Variants in RIC8B observed in about 807,000 individuals in gnomAD.
RIC8B encodes chaperone Ric-8B.
RIC8B carries 16 observed loss-of-function variants against 57.5 expected under a neutral mutation model. The observed-to-expected ratio is 0.28, with a 90% CI of 0.19 to 0.42. RIC8B has a LOEUF of 0.42. Ranked by LOEUF, RIC8B falls within the 10% of genes least tolerant of loss-of-function variation. RIC8B has a pLI of 1.00. For synonymous variants in RIC8B, 216 were observed against 250.8 expected, an observed-to-expected ratio of 0.86 and a Z score of 1.31; for missense variants, 481 against 677.0, an observed-to-expected ratio of 0.71 and a Z score of 3.21.
intron 2 of RIC8B, among the ~76,000 whole-genome samples, chr12:106,800,429 G>A (rs751412480): frequency 4.1e-4 from 63 of 152,092 alleles, no homozygotes; most frequent in Admixed American, 3.3e-3. Flanking sequence ...CAGTACCAAG[G>A]GGAAAATCCA....
At chr12:106,865,922 A>C (rs1950119267) in intron 8 of RIC8B, among the ~76,000 whole-genome samples, 2 of 152,124 alleles carry the variant, frequency 1.3e-5, no homozygotes, top group Admixed American at 1.3e-4. Context: ...TTCTGCCTGG[A>C]ATGCCTGTCC....
chr12:106,832,628 A>G (rs1402022640), intron 4 of RIC8B, among the ~76,000 whole-genome samples: 1 of 152,116 alleles, frequency 6.6e-6, no homozygotes. Context: ...CTCTGCCATT[A>G]TATACCCAAC....
At chr12:106,842,291 G>A (rs1266101653) in intron 4 of RIC8B, among the ~76,000 whole-genome samples, 1 of 152,166 alleles carries the variant, frequency 6.6e-6, no homozygotes, top group African/African-American at 2.4e-5. Flanking sequence ...ATAAAATTAA[G>A]GAGCTGGCAT....
chr12:106,849,842 A>G (rs1221379353), intron 6 of RIC8B, among the ~76,000 whole-genome samples: 1 of 152,228 alleles, frequency 6.6e-6, no homozygotes, highest in Non-Finnish European at 1.5e-5. Flanking sequence ...CCTTATTTAA[A>G]TCTATTAGTT....
intron 6 of RIC8B, among the ~76,000 whole-genome samples, chr12:106,847,897 G>C (rs1221735551): frequency 1.3e-5 from 2 of 152,140 alleles, no homozygotes; most frequent in Non-Finnish European, 2.9e-5. Flanking sequence ...CCTGTAATAT[G>C]CTAGACACTG....
intron 2 of RIC8B, among the ~76,000 whole-genome samples, chr12:106,813,739 G>A (rs2045445766): frequency 1.3e-5 from 2 of 152,078 alleles, no homozygotes; most frequent in Non-Finnish European, 2.9e-5. Context: ...TCTTATATTG[G>A]TAATAGTAGT....
intron 9 of RIC8B, among the ~76,000 whole-genome samples, chr12:106,871,979 A>C (rs1229324312): frequency 1.3e-5 from 2 of 152,222 alleles, no homozygotes; most frequent in East Asian, 3.8e-4. Flanking sequence ...CACGCTGCAG[A>C]GTATGATGCT....
chr12:106,878,952 A>C, intron 9 of RIC8B: 1 of 985,694 alleles, frequency 1.0e-6, no homozygotes, highest in Non-Finnish European at 1.2e-6. Context: ...TCAAAAGAGC[A>C]GACTGGTGTT....
chr12:106,827,192 A>G (rs1231242101), intron 4 of RIC8B, among the ~76,000 whole-genome samples: 1 of 152,242 alleles, frequency 6.6e-6, no homozygotes, highest in African/African-American at 2.4e-5. Flanking sequence ...GCATTTTTCC[A>G]GTTCTCTTTC....
chr12:106,853,453 CTTTTTTTTTTTTTTTTT>C (rs758876525), intron 7 of RIC8B, among the ~76,000 whole-genome samples: 5 of 38,022 alleles, frequency 1.3e-4, no homozygotes, highest in African/African-American at 1.3e-4. Flanking sequence ...GCTTTATAGT[CTTTTTTTTTTTTTTTTT>C]TTTTTTTTTT....
rs1248204870 is a variant in RIC8B, at chr12:106,888,337, GAACT to G, written c.*2325_*2328del. ...TGTCTTCATCTGGCACACAGAAAGA[GAACT>G]AATATCTGTTAAGTGCTTACTACAT... On this transcript the variant is annotated 3_prime_UTR_variant, in exon 10 of 10. Coordinates refer to ENST00000392837, the MANE Select transcript of RIC8B (RefSeq NM_001330145.2). 1.3e-5 allele frequency: 2 copies of G among 152,248 alleles called. No homozygotes were observed. Among genetic ancestry groups the G allele is most frequent in the African/African-American group, 4.8e-5 (2 of 41,452 alleles). The allele number at this position is 152,248 out of a possible 1,614,324, so 9.4% of individuals were successfully genotyped here. A position where few individuals can be genotyped will look rare whatever the true frequency, so the allele number is the denominator to read the frequency against.
At chr12:106,803,145 G>A (rs547522036) in intron 2 of RIC8B, among the ~76,000 whole-genome samples, 31 of 138,698 alleles carry the variant, frequency 2.2e-4, no homozygotes, top group Middle Eastern at 4.1e-3. Flanking sequence ...CCCGGAGTTC[G>A]AAGTTACAGT....
Position 106,786,035 on chromosome 12 carries a change from C to T in RIC8B, c.132+1991C>T, listed in dbSNP as rs116401523. On this transcript the variant is annotated intron_variant, in intron 2 of 9. Transcript: ENST00000392837. Reference sequence around the variant, plus strand: ...CCAATTTTTAAATTTTTTGTAGAGACGGGCTCTCACTCTGTTGCTCAGGCT... The same window carrying T: ...CCAATTTTTAAATTTTTTGTAGAGATGGGCTCTCACTCTGTTGCTCAGGCT... Among the ~76,000 whole-genome samples the T allele has an allele frequency of 6.5e-3, 988 of 151,336 alleles. 12 individuals are homozygous for T. Among genetic ancestry groups the T allele is most frequent in the African/African-American group, 0.023 (955 of 41,198 alleles).
chr12:106,826,946 C>T (rs549957637), intron 4 of RIC8B, among the ~76,000 whole-genome samples: 6 of 152,060 alleles, frequency 3.9e-5, no homozygotes, highest in South Asian at 2.1e-4. Context: ...TGGTGGCGCA[C>T]GCCTGTAGAC....
chr12:106,837,636 TTTG>T, intron 4 of RIC8B, among the ~76,000 whole-genome samples: 1 of 144,974 alleles, frequency 6.9e-6, no homozygotes. Flanking sequence ...CTGAAAATCT[TTTG>T]TTTTTTTTTT....
At position 106,853,998 on chromosome 12, in the gene RIC8B, G is replaced by A. The variant is rs538715365; in HGVS notation, c.1306+2404G>A. The stretch of plus-strand genomic sequence containing the variant: ...TAAAAGTAAGTCAAGTGGACTAGAT[G>A]TAAGATGAACAAATGAAAGCTGACA... On this transcript the variant is annotated intron_variant, in intron 7 of 9. Transcript: ENST00000392837. 3.2e-4 allele frequency among the ~76,000 whole-genome samples: 49 copies of A among 152,304 alleles called. No individual in the cohort carries two copies. In the South Asian group the frequency reaches 6.6e-3, roughly 21 times the overall value.
At chr12:106,861,121 ATTCT>A (rs1949913752) in intron 8 of RIC8B, among the ~76,000 whole-genome samples, 1 of 151,862 alleles carries the variant, frequency 6.6e-6, no homozygotes, top group Non-Finnish European at 1.5e-5. Context: ...ACCCATGTAA[ATTCT>A]TAGTTTCCGC....
At chr12:106,881,440 C>T (rs1433650292) in intron 9 of RIC8B, among the ~76,000 whole-genome samples, 1 of 151,372 alleles carries the variant, frequency 6.6e-6, no homozygotes, top group Non-Finnish European at 1.5e-5. Flanking sequence ...AATTCTTCTG[C>T]TTCTGGGATG....
chr12:106,853,935 G>A (rs1054062815), intron 7 of RIC8B, among the ~76,000 whole-genome samples: 6 of 152,036 alleles, frequency 3.9e-5, no homozygotes, highest in African/African-American at 1.2e-4. Context: ...TTATTTAAGG[G>A]TCACAGACTC....
Sources: allele counts gnomAD v4.1 joint callset (sites outside exome capture counted in the v4.1 genomes callset), GRCh38; gene constraint gnomAD v4.1.1; transcripts MANE v1.5; gene names NCBI Gene and HGNC (gene_info 2026-07-23, HGNC 2026-07-21).